PHF21A: variants seen among roughly 807,000 people sequenced by gnomAD.
PHF21A encodes PHD finger protein 21A.
Under a neutral mutation model 82.5 loss-of-function variants are expected in PHF21A, and 11 were observed. The ratio of observed to expected loss-of-function variants is 0.13; its 90% confidence interval spans 0.08 to 0.22. The LOEUF (loss-of-function observed/expected upper bound fraction) is 0.22, where lower values mean the gene tolerates loss of function less well. PHF21A is among the 10% of genes least tolerant of loss of function. The probability of loss-of-function intolerance (pLI) is 1.00; values close to 1 mark genes in which losing one functional copy is unlikely to be tolerated. For missense variants in PHF21A, 579 were observed against 837.8 expected, an observed-to-expected ratio of 0.69 and a Z score of 3.81; for synonymous variants, 297 against 302.8, an observed-to-expected ratio of 0.98 and a Z score of 0.20.
At chr11:46,056,654 T>C (rs2096461841) in intron 6 of PHF21A, among the ~76,000 whole-genome samples, 1 of 152,164 alleles carries the variant, frequency 6.6e-6, no homozygotes, top group Non-Finnish European at 1.5e-5. Context: ...GTTTCACCTG[T>C]ACGTTTACTT....
intron 13 of PHF21A, 31 bp from the exon 14 acceptor site, chr11:45,948,977 T>C (rs1230210652): frequency 8.3e-6 from 13 of 1,573,964 alleles, no homozygotes; most frequent in Non-Finnish European, 1.1e-5. Context: ...AAGGTGACTG[T>C]TGAGTAGTGT....
chr11:45,945,741 T>C (rs2091189889), intron 15 of PHF21A, 99 bp downstream of exon 15: 5 of 976,376 alleles, frequency 5.1e-6, no homozygotes, highest in Non-Finnish European at 4.5e-6. Flanking sequence ...GTTCCAGGGT[T>C]AGTCAAGAAG....
At chr11:45,992,822 T>G (rs1176299847) in intron 6 of PHF21A, among the ~76,000 whole-genome samples, 3 of 152,238 alleles carry the variant, frequency 2.0e-5, no homozygotes, top group African/African-American at 7.2e-5. Flanking sequence ...TAATGGTGCC[T>G]ACTTTATCAA....
intron 6 of PHF21A, among the ~76,000 whole-genome samples, chr11:46,042,073 C>T (rs545734519): frequency 6.6e-6 from 1 of 152,218 alleles, no homozygotes; most frequent in Non-Finnish European, 1.5e-5. Context: ...TTCTGGAACA[C>T]AACCATTGTC....
chr11:46,116,540 G>C (rs2097292027), intron 1 of PHF21A: 1 of 150,976 alleles, frequency 6.6e-6, no homozygotes, highest in South Asian at 2.1e-4. Flanking sequence ...ACAATTCACA[G>C]GATCTTCAAA....
At chr11:46,008,734 T>A (rs1192410042) in intron 6 of PHF21A, among the ~76,000 whole-genome samples, 1 of 152,208 alleles carries the variant, frequency 6.6e-6, no homozygotes, top group East Asian at 1.9e-4. Context: ...ATATCTCATA[T>A]AAATAAATCT....
At chr11:46,093,669 G>A (rs2096954365) in intron 1 of PHF21A, among the ~76,000 whole-genome samples, 1 of 152,118 alleles carries the variant, frequency 6.6e-6, no homozygotes, top group Non-Finnish European at 1.5e-5. Context: ...CACTCAAAAG[G>A]TTGCCTCAAA....
At chr11:46,007,556 C>T (rs1354395506) in intron 6 of PHF21A, among the ~76,000 whole-genome samples, 1 of 152,142 alleles carries the variant, frequency 6.6e-6, no homozygotes, top group African/African-American at 2.4e-5. Flanking sequence ...TCAGGTGATT[C>T]GCCTGCTGTG....
chr11:46,059,098 T>C (rs1367369722), intron 6 of PHF21A, among the ~76,000 whole-genome samples: 1 of 152,204 alleles, frequency 6.6e-6, no homozygotes, highest in East Asian at 1.9e-4. Context: ...AAGAAAGTTA[T>C]GAAGAAGCAT....
chr11:46,027,905 C>G (rs2095784732), intron 6 of PHF21A, among the ~76,000 whole-genome samples: 1 of 152,202 alleles, frequency 6.6e-6, no homozygotes, highest in South Asian at 2.1e-4. Flanking sequence ...AACTGTCAGT[C>G]CCTATCCATG....
At position 45,986,210 on chromosome 11, in the gene PHF21A, ACTTTAGAC is replaced by A. The variant is rs541423266; in HGVS notation, c.154-6252_154-6245del. On this transcript the variant is annotated intron_variant, in intron 6 of 18. Coordinates refer to ENST00000676320, the MANE Select transcript of PHF21A (RefSeq NM_001352027.3). The stretch of plus-strand genomic sequence containing the variant: ...ACAGTCCATCTCTCTAAAAATTTAG[ACTTTAGAC>A]CTTTTATTTGCTAGCCTGATTGAAA... 1.4e-4 allele frequency among the ~76,000 whole-genome samples: 21 copies of A among 152,002 alleles called. 1 individual carries two copies. The highest frequency in any genetic ancestry group is 5.1e-4 in the African/African-American group (21 of 41,466).
chr11:46,081,003 T>C (rs2096784860), intron 4 of PHF21A, among the ~76,000 whole-genome samples: 1 of 152,186 alleles, frequency 6.6e-6, no homozygotes, highest in South Asian at 2.1e-4. Context: ...CAGCTCAAAT[T>C]TGCTGTTTCA....
chr11:45,998,071 A>G lies in PHF21A; in HGVS notation c.154-18105T>C, dbSNP rs769186489. ...TGCTACCCAGGAATATACATGTACC[A>G]CTGTGGAGAGAGGCTAAAAAGATTA... On this transcript the variant is annotated intron_variant, in intron 6 of 18. Transcript: ENST00000676320. Among the ~76,000 whole-genome samples, 44 of 152,308 alleles carry G rather than the reference A, an allele frequency of 2.9e-4. 1 individual carries two copies. The highest frequency in any genetic ancestry group is 1.0e-3 in the African/African-American group (42 of 41,560).
At chr11:46,005,435 T>C (rs1398190526) in intron 6 of PHF21A, among the ~76,000 whole-genome samples, 1 of 152,208 alleles carries the variant, frequency 6.6e-6, no homozygotes, top group Non-Finnish European at 1.5e-5. Context: ...GCAGTTGCTT[T>C]TTCTGGTTGA....
chr11:45,960,799 G>A (rs1010971888), intron 10 of PHF21A, among the ~76,000 whole-genome samples: 10 of 152,150 alleles, frequency 6.6e-5, no homozygotes, highest in African/African-American at 1.9e-4. Context: ...ATGCAGACTC[G>A]AAATTGTCTT....
At chr11:45,937,291 C>T (rs1400203485) in intron 16 of PHF21A, among the ~76,000 whole-genome samples, 3 of 152,086 alleles carry the variant, frequency 2.0e-5, no homozygotes, top group Non-Finnish European at 4.4e-5. Flanking sequence ...ATAATAAAAT[C>T]ATAAAGACAT....
intron 11 of PHF21A, among the ~76,000 whole-genome samples, 195 bp from the exon 12 acceptor site, chr11:45,950,452 G>A (rs1038227500): frequency 2.0e-5 from 3 of 151,972 alleles, no homozygotes; most frequent in Non-Finnish European, 2.9e-5. Context: ...CCTTCAATGT[G>A]GGCCACATTG....
chr11:46,101,924 C>G (rs1265157587), intron 1 of PHF21A, among the ~76,000 whole-genome samples: 1 of 151,300 alleles, frequency 6.6e-6, no homozygotes, highest in Non-Finnish European at 1.5e-5. Flanking sequence ...GTGGCGCAAT[C>G]TCGGCTCACT....
chr11:46,051,483 C>T (rs2096364712), intron 6 of PHF21A, among the ~76,000 whole-genome samples: 1 of 152,176 alleles, frequency 6.6e-6, no homozygotes, highest in Non-Finnish European at 1.5e-5. Context: ...TTTCCAGTGT[C>T]CAGACTCCTT....
Sources: gnomAD v4.1 joint callset for allele counts (sites outside exome capture counted in the v4.1 genomes callset) on GRCh38, gnomAD v4.1.1 for gene constraint, MANE v1.5 for transcripts, NCBI Gene and HGNC (gene_info 2026-07-23, HGNC 2026-07-21) for gene names.